ADAM10: variants seen among roughly 807,000 people sequenced by gnomAD.
ADAM10 encodes disintegrin and metalloproteinase domain-containing protein 10.
ADAM10 carries 17 observed loss-of-function variants against 90.1 expected under a neutral mutation model. The ratio of observed to expected loss-of-function variants is 0.19; its 90% CI spans 0.13 to 0.28. The LOEUF is 0.28. Among genes scored for constraint, ADAM10 ranks in the 10% least tolerant of loss-of-function variants. The pLI is 1.00. For synonymous variants in ADAM10, 310 were observed against 298.6 expected (o/e 1.04, Z -0.40); for missense variants, 610 against 914.3 (o/e 0.67, Z 4.29).
chr15:58,635,574 C>A (rs1391365131), intron 8 of ADAM10, among the ~76,000 whole-genome samples: 1 of 151,984 alleles, frequency 6.6e-6, no homozygotes, highest in African/African-American at 2.4e-5. Context: ...ACTTTTGGAG[C>A]TCAGTCCTGA....
At chr15:58,726,403 A>C (rs1169333093) in intron 1 of ADAM10, among the ~76,000 whole-genome samples, 10 of 151,824 alleles carry the variant, frequency 6.6e-5, no homozygotes, top group African/African-American at 1.9e-4. Context: ...CATCTCTACT[A>C]AAAATACAAA....
rs1205260861 is a variant in ADAM10 at position 58,591,993 on chromosome 15, G to C, written c.*5554C>G. On this transcript the variant is annotated 3_prime_UTR_variant, in exon 16 of 16. Coordinates refer to ENST00000260408, the MANE Select transcript of ADAM10 (RefSeq NM_001110.4). ...CGTTGTCTTTTCTCTTTGCATTTCT[G>C]TTGTTGAAGCAGGACCATATGTCTT... The C allele has an allele frequency of 6.6e-6, 1 of 152,128 alleles. No homozygotes were observed. The highest frequency in any genetic ancestry group is 1.9e-4 in the East Asian group (1 of 5,180). 9.4% of individuals were successfully genotyped at this position (152,128 alleles called of 1,614,324 possible).
intron 3 of ADAM10, 38 bp downstream of exon 3, chr15:58,682,158 A>C: frequency 6.2e-7 from 1 of 1,604,758 alleles, no homozygotes; most frequent in Non-Finnish European, 8.5e-7. Flanking sequence ...TAGAAAAAAA[A>C]AAATGGAAGA....
chr15:58,701,374 G>T (rs550305239), intron 2 of ADAM10, among the ~76,000 whole-genome samples: 1 of 152,100 alleles, frequency 6.6e-6, no homozygotes, highest in Admixed American at 6.6e-5. Flanking sequence ...ATGGCCAAAA[G>T]GTATAAAAAA....
chr15:58,602,802 T>C (rs565988583), intron 14 of ADAM10, among the ~76,000 whole-genome samples: 1 of 152,280 alleles, frequency 6.6e-6, no homozygotes, highest in East Asian at 1.9e-4. Context: ...GTAAAAACTG[T>C]ATCATGGTTG....
At position 58,672,680 on chromosome 15, in the gene ADAM10, G is replaced by A. The variant is rs542814229; in HGVS notation, c.484+6444C>T. 23 of 151,400 alleles carry A rather than the reference G, an allele frequency of 1.5e-4. 1 individual carries two copies. The South Asian group carries it at 1.7e-3, about 11-fold the overall frequency. 9.4% of individuals were successfully genotyped at this position (151,400 alleles called of 1,614,324 possible). A position where few individuals can be genotyped will look rare whatever the true frequency, so the allele number is the denominator to read the frequency against. ...GTTTCAAAGAAACTGGGAAAGATGT[G>A]GATATGGTGCATATGACAAGCAGCC... is the stretch of plus-strand genomic sequence containing the variant. On this transcript the variant is annotated intron_variant, in intron 4 of 15. Coordinates refer to ENST00000260408, the MANE Select transcript of ADAM10 (RefSeq NM_001110.4).
chr15:58,673,148 T>C (rs780757102), intron 4 of ADAM10, among the ~76,000 whole-genome samples: 28 of 151,922 alleles, frequency 1.8e-4, no homozygotes, highest in Non-Finnish European at 2.8e-4. Flanking sequence ...AAAATACAGA[T>C]GGATGGAAGG....
chr15:58,620,960 G>A lies in ADAM10; in HGVS notation c.1511+511C>T, dbSNP rs918468888. The stretch of plus-strand genomic sequence containing the variant: ...TGGGATTACAGGCGTGAGCCACCGC[G>A]CCCGGCCAAGAATATGTATTTTTTA... On this transcript the variant is annotated intron_variant, in intron 11 of 15. Transcript: ENST00000260408. 1.5e-4 allele frequency among the ~76,000 whole-genome samples: 6 copies of A among 41,250 alleles called. 1 individual carries two copies. The highest frequency in any genetic ancestry group is 7.5e-4 in the African/African-American group (2 of 2,650). The allele number at this position is 41,250 out of a possible 152,430, so 27.1% of individuals were successfully genotyped here. A position where few individuals can be genotyped will look rare whatever the true frequency, so the allele number is the denominator to read the frequency against.
chr15:58,698,612 A>G (rs1406154239), intron 2 of ADAM10, among the ~76,000 whole-genome samples: 1 of 151,884 alleles, frequency 6.6e-6, no homozygotes, highest in East Asian at 1.9e-4. Flanking sequence ...TATCATAAAA[A>G]AGAACGAAAT....
At chr15:58,612,112 T>A in intron 11 of ADAM10, 121 bp from the exon 12 acceptor site, 1 of 999,542 alleles carries the variant, frequency 1.0e-6, no homozygotes, top group Non-Finnish European at 1.5e-6. Flanking sequence ...CTAAGTCTCA[T>A]CACTTAAATG....
At position 58,594,895 on chromosome 15, in the gene ADAM10, C is replaced by A. The variant is rs1300606327; in HGVS notation, c.*2652G>T. On this transcript the variant is annotated 3_prime_UTR_variant, in exon 16 of 16. Transcript: ENST00000260408. Reference sequence around the variant, plus strand: ...TTTAACAAGTATTACTTATAGCTAACCTTGACTAAAAAAAGAATTTGAAGC... The same window carrying A: ...TTTAACAAGTATTACTTATAGCTAAACTTGACTAAAAAAAGAATTTGAAGC... The A allele has an allele frequency of 6.6e-6, 1 of 151,996 alleles. No homozygotes were observed. The highest frequency in any genetic ancestry group is 2.4e-5 in the African/African-American group (1 of 41,376). The allele number at this position is 151,996 out of a possible 1,614,324, so 9.4% of individuals were successfully genotyped here.
intron 11 of ADAM10, among the ~76,000 whole-genome samples, chr15:58,615,552 T>C (rs1895584453): frequency 6.6e-6 from 1 of 152,094 alleles, no homozygotes; most frequent in Non-Finnish European, 1.5e-5. Flanking sequence ...CCCAAACACA[T>C]GACACATCCA....
Position 58,595,667 on chromosome 15 carries a change from G to C in ADAM10, c.*1880C>G, listed in dbSNP as rs1894929776. The C allele has an allele frequency of 6.6e-6, 1 of 151,904 alleles. No homozygotes were observed. The highest frequency in any genetic ancestry group is 1.5e-5 in the Non-Finnish European group (1 of 67,918). 9.4% of individuals were successfully genotyped at this position (151,904 alleles called of 1,614,324 possible). A position where few individuals can be genotyped will look rare whatever the true frequency, so the allele number is the denominator to read the frequency against. On this transcript the variant is annotated 3_prime_UTR_variant, in exon 16 of 16. Coordinates refer to ENST00000260408, the MANE Select transcript of ADAM10 (RefSeq NM_001110.4). ...TTAACTTAGACTCAAAATAAAATAG[G>C]GCAGTGTGTGTACCTGCCAAAATCC... is the stretch of plus-strand genomic sequence containing the variant.
At position 58,599,680 on chromosome 15, in the gene ADAM10, C is replaced by T; in HGVS notation, c.2070G>A (p.Met690Ile). 1 of 1,612,650 alleles carries T rather than the reference C, an allele frequency of 6.2e-7. No individual in the cohort carries two copies. The highest frequency in any genetic ancestry group is 1.1e-5 in the South Asian group (1 of 91,056). ...ATATCTTAATAAATCCAGCCATTAG[C>T]ATGATCAGAGCAATTCCCATAAGTA... ...AVLLMGIALIMLMAGFIKICS... is the reference protein window; with the variant it reads ...AVLLMGIALIILMAGFIKICS... Residue 690 changes from methionine (M) to isoleucine (I), a missense_variant, in exon 15 of 16, where the codon ATG (methionine) becomes ATA (isoleucine). By Grantham distance (10) the Met-to-Ile change is conservative (BLOSUM62 1). Transcript: ENST00000260408.
intron 2 of ADAM10, chr15:58,703,703 G>A (rs533820503): frequency 6.6e-6 from 1 of 152,270 alleles, no homozygotes; most frequent in African/African-American, 2.4e-5. Flanking sequence ...GGAAGAGTTG[G>A]TGGGAAGTGA....
At chr15:58,692,684 C>T (rs1487033704) in intron 2 of ADAM10, 1 of 563,138 alleles carries the variant, frequency 1.8e-6, no homozygotes, top group Non-Finnish European at 3.6e-6. Context: ...TCAATGGGCT[C>T]ACCATGGTCA....
rs1368118210 is a variant in ADAM10 at position 58,592,277 on chromosome 15, T to C, written c.*5270A>G. ...ATAAATTGTTGGGGGGGTAAAATGG[T>C]GATATCCTAATTCTATCATTTCTCT... On this transcript the variant is annotated 3_prime_UTR_variant, in exon 16 of 16. Coordinates refer to ENST00000260408, the MANE Select transcript of ADAM10 (RefSeq NM_001110.4). The C allele has an allele frequency of 2.0e-5, 3 of 152,228 alleles. No individual in the cohort carries two copies. The highest frequency in any genetic ancestry group is 2.9e-5 in the Non-Finnish European group (2 of 68,044). The allele number at this position is 152,228 out of a possible 1,614,324, so 9.4% of individuals were successfully genotyped here.
At chr15:58,628,616 G>C (rs1238617851) in intron 9 of ADAM10, among the ~76,000 whole-genome samples, 1 of 152,082 alleles carries the variant, frequency 6.6e-6, no homozygotes, top group Non-Finnish European at 1.5e-5. Context: ...ATGAGACCAA[G>C]CAACAGAACA....
rs190913855 is a variant in ADAM10, at chr15:58,611,651, T to C, written c.1695+157A>G. ...GATGAAAGACAAATTAGTAGCTAAT[T>C]GAATGCCACATAATATATTCATGGT... On this transcript the variant is annotated intron_variant, in intron 12 of 15. Coordinates refer to ENST00000260408, the MANE Select transcript of ADAM10 (RefSeq NM_001110.4). 27 of 682,312 alleles carry C rather than the reference T, an allele frequency of 4.0e-5. No individual in the cohort carries two copies. The African/African-American group carries it at 4.0e-4, about 10-fold the overall frequency. The allele number at this position is 682,312 out of a possible 1,614,324, so 42.3% of individuals were successfully genotyped here. A position where few individuals can be genotyped will look rare whatever the true frequency, so the allele number is the denominator to read the frequency against.
Sources: gnomAD v4.1 joint callset for allele counts (sites outside exome capture counted in the v4.1 genomes callset) on GRCh38, gnomAD v4.1.1 for gene constraint, MANE v1.5 for transcripts, NCBI Gene and HGNC (gene_info 2026-07-23, HGNC 2026-07-21) for gene names.